TKT: variants seen among roughly 807,000 people sequenced by gnomAD.
TKT encodes epididymis luminal protein 107.
Under a neutral mutation model 63.9 loss-of-function variants are expected in TKT, and 47 were observed. That is an observed-to-expected ratio of 0.74 (90% CI 0.58 to 0.94). The LOEUF is 0.94. TKT is among the 40% of genes least tolerant of loss of function. TKT has a pLI of 0.00. For missense variants in TKT, 721 were observed against 846.2 expected (o/e 0.85, Z 1.84); for synonymous variants, 338 against 334.1 (o/e 1.01, Z -0.13).
rs1553675687 is a variant in TKT, at chr3:53,226,916, C to G, written c.1574-38G>C. On this transcript the variant is annotated intron_variant, in intron 12 of 13. Coordinates refer to ENST00000462138, the MANE Select transcript of TKT (RefSeq NM_001064.4). ...GCACACGGCGTGGCTGAGGGGAGGG[C>G]TGGGCACCACTATCTGCCCTGGTGG... 7 of 1,566,816 alleles carry G rather than the reference C, an allele frequency of 4.5e-6. No individual in the cohort carries two copies. The East Asian group carries it at 1.4e-4, about 30-fold the overall frequency.
At chr3:53,234,864 G>C (rs1425007041) in intron 5 of TKT, 119 bp downstream of exon 5, 1 of 1,013,944 alleles carries the variant, frequency 9.9e-7, no homozygotes, top group African/African-American at 1.6e-5. Flanking sequence ...CTAAAGAAAG[G>C]GACCTTTAGA....
At position 53,224,887 on chromosome 3, in the gene TKT, A is replaced by C. The variant is rs1395603007; in HGVS notation, c.*869T>G. 3 of 152,252 alleles carry C rather than the reference A, an allele frequency of 2.0e-5. No homozygotes were observed. Among genetic ancestry groups the C allele is most frequent in the South Asian group, 2.1e-4 (1 of 4,834 alleles). 9.4% of individuals were successfully genotyped at this position (152,252 alleles called of 1,614,324 possible). ...GTTCTTGGCCAGTATAAGGTTTTGCACAGTTGACCTTATAAGCAGGGCTGA... is the reference window on the plus strand; with the variant it reads ...GTTCTTGGCCAGTATAAGGTTTTGCCCAGTTGACCTTATAAGCAGGGCTGA... On this transcript the variant is annotated 3_prime_UTR_variant, in exon 14 of 14. Coordinates refer to ENST00000462138, the MANE Select transcript of TKT (RefSeq NM_001064.4).
chr3:53,249,548 G>A (rs1705660072), intron 1 of TKT, among the ~76,000 whole-genome samples: 1 of 152,020 alleles, frequency 6.6e-6, no homozygotes, highest in African/African-American at 2.4e-5. Context: ...CCGCCCCACT[G>A]CACTCCAGCC....
chr3:53,229,891 C>G (rs1322964817), intron 8 of TKT, among the ~76,000 whole-genome samples: 2 of 152,174 alleles, frequency 1.3e-5, no homozygotes, highest in African/African-American at 4.8e-5. Context: ...CTCCCTGTCC[C>G]TAGGGGCCTG....
chr3:53,247,653 A>AAAAAAAAAAAAC (rs1705576567), intron 1 of TKT, among the ~76,000 whole-genome samples: 1 of 151,438 alleles, frequency 6.6e-6, no homozygotes, highest in Non-Finnish European at 1.5e-5. Flanking sequence ...AAAAAAAAAA[A>AAAAAAAAAAAAC]AAAATACTCA....
Position 53,225,546 on chromosome 3 carries a change from C to CAGGACCA in TKT, c.*203_*209dup, listed in dbSNP as rs564395962. The CAGGACCA allele has an allele frequency of 2.7e-3, 1,359 of 494,184 alleles. 4 individuals carry two copies. Among genetic ancestry groups the CAGGACCA allele is most frequent in the Non-Finnish European group, 3.9e-3 (1,163 of 294,432 alleles). 30.6% of individuals were successfully genotyped at this position (494,184 alleles called of 1,614,324 possible). A position where few individuals can be genotyped will look rare whatever the true frequency, so the allele number is the denominator to read the frequency against. ...GACTTGGGACACCCAGGTCCTGGCC[C>CAGGACCA]AGGACCAAGGACACCAGCCTCCCTA... On this transcript the variant is annotated 3_prime_UTR_variant, in exon 14 of 14. Coordinates refer to ENST00000462138, the MANE Select transcript of TKT (RefSeq NM_001064.4).
Position 53,225,940 on chromosome 3 carries a change from G to C in TKT, c.1697-9C>G. 6.2e-7 allele frequency: 1 copy of C among 1,601,622 alleles called. No homozygotes were observed. The highest frequency in any genetic ancestry group is 8.5e-7 in the Non-Finnish European group (1 of 1,172,038). On this transcript the variant is annotated splice_polypyrimidine_tract_variant and intron_variant, in intron 13 of 13. Transcript: ENST00000462138. ...AGCCTCACCAATGCCACCTAGAAAT[G>C]AAAGGAGGGGAGTCAGAAGACGAGG...
intron 6 of TKT, chr3:53,231,787 C>T: frequency 1.9e-6 from 1 of 534,038 alleles, no homozygotes; most frequent in East Asian, 3.1e-5. Flanking sequence ...TGGGAGCTCA[C>T]AGCTGAGTGG....
rs974058546 is a variant in TKT, at chr3:53,233,315, G to A, written c.630-41C>T. 3.3e-6 allele frequency: 5 copies of A among 1,521,232 alleles called. No individual in the cohort carries two copies. The African/African-American group carries it at 4.1e-5, about 13-fold the overall frequency. The allele number at this position is 1,521,232 out of a possible 1,614,324, so 94.2% of individuals were successfully genotyped here. ...AGAGAGTAAGGGGCAATTCCCAGGG[G>A]CCACAACACCGAGGAGCCTTCCAGG... is the stretch of plus-strand genomic sequence containing the variant. On this transcript the variant is annotated intron_variant, in intron 5 of 13. Transcript: ENST00000462138.
At chr3:53,237,531 C>CACAT (rs1451213635) in intron 4 of TKT, among the ~76,000 whole-genome samples, 9 of 148,730 alleles carry the variant, frequency 6.1e-5, no homozygotes, top group Non-Finnish European at 1.2e-4. Flanking sequence ...CACACACACA[C>CACAT]ACACTGGGAT....
chr3:53,244,639 T>C (rs1553680582), intron 1 of TKT, among the ~76,000 whole-genome samples: 1 of 152,104 alleles, frequency 6.6e-6, no homozygotes, highest in Non-Finnish European at 1.5e-5. Flanking sequence ...CTCAACTTCC[T>C]AGCGGGCCTT....
intron 6 of TKT, chr3:53,231,957 G>A (rs1421584947): frequency 1.2e-5 from 3 of 259,300 alleles, no homozygotes; most frequent in Non-Finnish European, 2.2e-5. Context: ...GACTGGGTTG[G>A]AAGGGACCCT....
chr3:53,235,303 G>T, intron 4 of TKT, 129 bp from the exon 5 acceptor site: 2 of 770,226 alleles, frequency 2.6e-6, no homozygotes, highest in Non-Finnish European at 3.9e-6. Flanking sequence ...AGAACAGATG[G>T]CATTTACACT....
In TKT at chr3:53,226,809, C is replaced by T; in HGVS notation, c.1643G>A (p.Ser548Asn). The T allele has an allele frequency of 6.2e-7, 1 of 1,614,156 alleles. No homozygotes were observed. The highest frequency in any genetic ancestry group is 1.1e-5 in the South Asian group (1 of 91,086). ...KPLDRKLILD[S>N]ARATKGRILT... The stretch of plus-strand genomic sequence containing the variant: ...GATCCTGCCCTTGGTGGCACGAGCG[C>T]TGTCGAGAATGAGTTTTCTGTCCAG... Residue 548 changes from serine to asparagine, a missense_variant, in exon 13 of 14, where the codon AGC becomes AAC. Physicochemically the swap from Ser to Asn is conservative, Grantham distance 46. Coordinates refer to ENST00000462138, the MANE Select transcript of TKT (RefSeq NM_001064.4).
chr3:53,228,448 A>C, intron 10 of TKT, 89 bp from the exon 11 acceptor site: 1 of 1,455,168 alleles, frequency 6.9e-7, no homozygotes, highest in Non-Finnish European at 9.5e-7. Context: ...ATCCCTTCCC[A>C]TGGGAGCGTT....
intron 13 of TKT, chr3:53,226,373 G>A (rs1704499046): frequency 3.8e-6 from 1 of 263,304 alleles, no homozygotes; most frequent in East Asian, 9.9e-5. Context: ...TACTTAGAGA[G>A]GCTGGTGTGT....
chr3:53,230,607 C>G lies in TKT; in HGVS notation c.957G>C (p.Lys319Asn). 6.2e-7 allele frequency: 1 copy of G among 1,614,232 alleles called. No homozygotes were observed. Among genetic ancestry groups the G allele is most frequent in the Non-Finnish European group, 8.5e-7 (1 of 1,180,042 alleles). Residue 319 changes from lysine to asparagine, a missense_variant, in exon 8 of 14, where the codon AAG becomes AAC. Physicochemically the swap from Lys to Asn is moderately conservative, Grantham distance 94. Coordinates refer to ENST00000462138, the MANE Select transcript of TKT (RefSeq NM_001064.4). ...GCTTGGCCAGTGCCTGCCCGTAGGC[C>G]TTGCGGGTGGCTATCTGTGAGGAAG... ...YKVGDKIATR[K>N]AYGQALAKLG...
At chr3:53,239,580 T>G (rs1705181140) in intron 4 of TKT, among the ~76,000 whole-genome samples, 1 of 152,048 alleles carries the variant, frequency 6.6e-6, no homozygotes, top group Admixed American at 6.6e-5. Flanking sequence ...TCTTAACAGT[T>G]TACAACCTCA....
intron 1 of TKT, 127 bp from the exon 2 acceptor site, chr3:53,242,369 G>T: frequency 1.1e-6 from 1 of 878,246 alleles, no homozygotes; most frequent in Non-Finnish European, 1.8e-6. Context: ...TTATCAGACA[G>T]CCACGAGCTC....
Sources: allele counts gnomAD v4.1 joint callset (sites outside exome capture counted in the v4.1 genomes callset), GRCh38; gene constraint gnomAD v4.1.1; transcripts MANE v1.5; gene names NCBI Gene and HGNC (gene_info 2026-07-23, HGNC 2026-07-21).